The following RPH3A variants were observed in gnomAD, a reference collection of about 807,000 sequenced individuals.
RPH3A encodes rabphilin 3A.
In RPH3A, 48 loss-of-function variants were observed where a neutral mutation model predicts 102.2. The ratio of observed to expected loss-of-function variants is 0.47; its 90% CI spans 0.37 to 0.60. The LOEUF (loss-of-function observed/expected upper bound fraction) is 0.60. RPH3A is among the 20% of genes least tolerant of loss of function. The pLI, the probability that RPH3A is intolerant of heterozygous loss-of-function variation, is 0.00. For missense variants in RPH3A, 781 were observed against 910.1 expected, an observed-to-expected ratio of 0.86 and a Z score of 1.83; for synonymous variants, 310 against 324.3, an observed-to-expected ratio of 0.96 and a Z score of 0.47.
chr12:112,877,419 T>TACACACACACACACACACAC lies in RPH3A; in HGVS notation c.1171+574_1171+593dup, dbSNP rs3038114. On this transcript the variant is annotated intron_variant, in intron 13 of 21. Coordinates refer to ENST00000389385, the MANE Select transcript of RPH3A (RefSeq NM_001143854.2). ...ACACACGTATACACACACACACGTA[T>TACACACACACACACACACAC]ACACACACACACACACACACACACA... 2.1e-3 allele frequency among the ~76,000 whole-genome samples: 297 copies of TACACACACACACACACACAC among 141,652 alleles called. 6 individuals are homozygous for TACACACACACACACACACAC. The highest frequency in any genetic ancestry group is 0.016 in the Admixed American group (232 of 14,132). The allele number at this position is 141,652 out of a possible 152,430, so 92.9% of individuals were successfully genotyped here.
chr12:112,869,559 A>C, intron 8 of RPH3A, 200 bp from the exon 9 acceptor site: 2 of 599,016 alleles, frequency 3.3e-6, no homozygotes, highest in Non-Finnish European at 5.9e-6. Context: ...GTGTATGCTC[A>C]TATGTGTTTG....
chr12:112,856,523 C>T (rs184265246), intron 5 of RPH3A, among the ~76,000 whole-genome samples: 1 of 150,722 alleles, frequency 6.6e-6, no homozygotes, highest in Non-Finnish European at 1.5e-5. Context: ...TATTCATAGC[C>T]GTAAGTACAC....
At chr12:112,592,234 A>G (rs1414300108) in intron 1 of RPH3A, among the ~76,000 whole-genome samples, 3 of 152,126 alleles carry the variant, frequency 2.0e-5, no homozygotes, top group Admixed American at 1.3e-4. Context: ...AAAATTAGCC[A>G]GTCTCATAAC....
intron 1 of RPH3A, among the ~76,000 whole-genome samples, chr12:112,583,487 T>C (rs1430690533): frequency 6.7e-6 from 1 of 149,480 alleles, no homozygotes. Context: ...ACATCTGTAA[T>C]TAAAAAAAAA....
intron 2 of RPH3A, among the ~76,000 whole-genome samples, chr12:112,794,820 C>A (rs1468772955): frequency 2.0e-5 from 3 of 152,172 alleles, no homozygotes; most frequent in Non-Finnish European, 4.4e-5. Context: ...GGCATCATCC[C>A]CTCACTCCTG....
At chr12:112,689,947 C>T (rs1391994817) in intron 1 of RPH3A, among the ~76,000 whole-genome samples, 5 of 152,188 alleles carry the variant, frequency 3.3e-5, no homozygotes, top group African/African-American at 7.2e-5. Flanking sequence ...GATCTTAAAT[C>T]GTGGGTTCCA....
chr12:112,773,335 G>A (rs911085323), intron 1 of RPH3A, among the ~76,000 whole-genome samples: 1 of 152,068 alleles, frequency 6.6e-6, no homozygotes, highest in Non-Finnish European at 1.5e-5. Flanking sequence ...TAATGACAGT[G>A]GATTTGGTTC....
chr12:112,861,517 G>A (rs1316697068), intron 5 of RPH3A, among the ~76,000 whole-genome samples: 2 of 152,234 alleles, frequency 1.3e-5, no homozygotes, highest in Admixed American at 6.5e-5. Context: ...TACATGGCAC[G>A]TGGCTGTGTG....
rs547379327 is a variant in RPH3A, at chr12:112,695,391, C to T, written c.-139-96752C>T. Among the ~76,000 whole-genome samples the T allele has an allele frequency of 5.9e-5, 9 of 152,176 alleles. No homozygotes were observed. The East Asian group carries it at 9.6e-4, about 16-fold the overall frequency. Reference sequence around the variant, plus strand: ...AGAAATTTGTTTATTCCAGAGTAAGCACATTTAAAAAAATCTTTTTTAAAA... The same window carrying T: ...AGAAATTTGTTTATTCCAGAGTAAGTACATTTAAAAAAATCTTTTTTAAAA... On this transcript the variant is annotated intron_variant, in intron 1 of 21. Transcript: ENST00000543106.
In RPH3A at chr12:112,589,217, T is replaced by C. The variant is rs936327307; in HGVS notation, c.-140+13898T>C. Among the ~76,000 whole-genome samples the C allele has an allele frequency of 1.1e-4, 16 of 152,142 alleles. 1 individual carries two copies. The South Asian group carries it at 2.1e-3, about 20-fold the overall frequency. ...TACACCCAAAACTCCTGCCCAGGCC[T>C]CACTACTCACTGGCCCACCTTATTC... On this transcript the variant is annotated intron_variant, in intron 1 of 21. Transcript: ENST00000543106.
chr12:112,662,922 T>C (rs2040058731), intron 1 of RPH3A, among the ~76,000 whole-genome samples: 1 of 152,032 alleles, frequency 6.6e-6, no homozygotes, highest in African/African-American at 2.4e-5. Flanking sequence ...CAGAGGAGAC[T>C]TCTCTGGGAT....
intron 1 of RPH3A, among the ~76,000 whole-genome samples, chr12:112,617,451 TACTCACTCACCCATTC>T (rs1342904247): frequency 1.3e-5 from 2 of 152,260 alleles, no homozygotes; most frequent in Admixed American, 1.3e-4. Flanking sequence ...CTCATTCACT[TACTCACTCACCCATTC>T]ACTCACTCAC....
chr12:112,796,253 G>A (rs1479623604), intron 2 of RPH3A, among the ~76,000 whole-genome samples: 4 of 152,176 alleles, frequency 2.6e-5, no homozygotes, highest in Non-Finnish European at 2.9e-5. Flanking sequence ...TCCCTGGGAG[G>A]TTTTTGCTGA....
chr12:112,717,905 T>C (rs2040525037), intron 1 of RPH3A: 1 of 152,122 alleles, frequency 6.6e-6, no homozygotes, highest in Non-Finnish European at 1.5e-5. Flanking sequence ...CTTGTCATTG[T>C]GTTGTTGTTG....
intron 1 of RPH3A, among the ~76,000 whole-genome samples, chr12:112,757,542 C>T (rs530742060): frequency 1.4e-4 from 22 of 152,068 alleles, no homozygotes; most frequent in African/African-American, 1.9e-4. Flanking sequence ...GGTCATTACA[C>T]GTTGTATACA....
intron 1 of RPH3A, among the ~76,000 whole-genome samples, chr12:112,779,824 C>A (rs1185484505): frequency 1.3e-5 from 2 of 152,132 alleles, no homozygotes; most frequent in Admixed American, 6.5e-5. Context: ...AAGGTGAGGT[C>A]ATCCTGGATT....
At chr12:112,593,405 CTT>C (rs1056621901) in intron 1 of RPH3A, among the ~76,000 whole-genome samples, 18 of 152,118 alleles carry the variant, frequency 1.2e-4, no homozygotes, top group African/African-American at 4.1e-4. Context: ...GAGGAGTAAA[CTT>C]TTGTTGTGTT....
At chr12:112,704,675 C>T (rs1009767941) in intron 1 of RPH3A, among the ~76,000 whole-genome samples, 3 of 152,160 alleles carry the variant, frequency 2.0e-5, no homozygotes, top group Non-Finnish European at 4.4e-5. Context: ...TCACCTCCTG[C>T]GATCCTGGGC....
intron 1 of RPH3A, among the ~76,000 whole-genome samples, chr12:112,764,454 T>C (rs2040875019): frequency 1.3e-5 from 2 of 152,306 alleles, no homozygotes; most frequent in Non-Finnish European, 2.9e-5. Context: ...CCTTTGAAGG[T>C]ATAAGACTCA....
Sources: gnomAD v4.1 joint callset for allele counts (sites outside exome capture counted in the v4.1 genomes callset) on GRCh38, gnomAD v4.1.1 for gene constraint, MANE v1.5 for transcripts, NCBI Gene and HGNC (gene_info 2026-07-23, HGNC 2026-07-21) for gene names.